The following WDR33 variants were observed in gnomAD, a reference collection of about 807,000 sequenced individuals.
The protein encoded by WDR33 is WD repeat domain 33.
In WDR33, 47 loss-of-function variants were observed where a neutral mutation model predicts 164.9. The ratio of observed to expected loss-of-function variants is 0.29; its 90% CI spans 0.23 to 0.36. The LOEUF (loss-of-function observed/expected upper bound fraction) is 0.36, where lower values mean the gene tolerates loss of function less well. Among genes scored for constraint, WDR33 ranks in the 10% least tolerant of loss-of-function variants. WDR33 has a pLI of 1.00. For synonymous variants in WDR33, 505 were observed against 589.0 expected (o/e 0.86, Z 2.06); for missense variants, 1,137 against 1,754.1 (o/e 0.65, Z 6.28).
rs1457728468 is a variant in WDR33, at chr2:127,717,273, T to C, written c.2761-10A>G. The C allele has an allele frequency of 1.9e-6, 3 of 1,561,334 alleles. No individual in the cohort carries two copies. The highest frequency in any genetic ancestry group is 8.6e-7 in the Non-Finnish European group (1 of 1,156,806). On this transcript the variant is annotated splice_polypyrimidine_tract_variant and intron_variant, in intron 16 of 21. Coordinates refer to ENST00000322313, the MANE Select transcript of WDR33 (RefSeq NM_018383.5). This position sits in a 1 kb window ranked among gnomAD's most constrained non-coding sequence, Gnocchi z 5.6. Reference sequence around the variant, plus strand: ...CTGTGCTCTGTCCTTCCTGAAAATATGTTTTTAAAGTAAGGGTATGAAATC... The same window carrying C: ...CTGTGCTCTGTCCTTCCTGAAAATACGTTTTTAAAGTAAGGGTATGAAATC...
rs773904269 is a variant in WDR33, at chr2:127,709,679, A to G, written c.3472+14T>C. ...CTATCCTTCCAGACCAGGTGTCTTT[A>G]GTAACTCGCTCACCTCGTGGGGTAC... On this transcript the variant is annotated intron_variant, in intron 19 of 21. Transcript: ENST00000322313. This position sits in a 1 kb window ranked among gnomAD's most constrained non-coding sequence, Gnocchi z 5.0. The G allele has an allele frequency of 1.2e-6, 2 of 1,614,080 alleles. No homozygotes were observed. The highest frequency in any genetic ancestry group is 2.2e-5 in the East Asian group (1 of 44,894).
In WDR33 at chr2:127,704,525, G is replaced by C. The variant is rs1685965929; in HGVS notation, c.*1798C>G. 1 of 166,858 alleles carries C rather than the reference G, an allele frequency of 6.0e-6. No homozygotes were observed. The highest frequency in any genetic ancestry group is 6.6e-5 in the Admixed American group (1 of 15,260). The allele number at this position is 166,858 out of a possible 1,614,324, so 10.3% of individuals were successfully genotyped here. A position where few individuals can be genotyped will look rare whatever the true frequency, so the allele number is the denominator to read the frequency against. ...TTTAAGCTATACCAGTTGGGGGTGA[G>C]TGAAGAAATACCCATAACCTAAAGC... On this transcript the variant is annotated 3_prime_UTR_variant, in exon 22 of 22. Coordinates refer to ENST00000322313, the MANE Select transcript of WDR33 (RefSeq NM_018383.5).
chr2:127,707,249 A>G (rs1329676670), intron 21 of WDR33, among the ~76,000 whole-genome samples: 4 of 151,778 alleles, frequency 2.6e-5, no homozygotes, highest in South Asian at 2.1e-4. Context: ...AAAAAAAGAA[A>G]AAAAAGAAAG....
rs369384639 is a variant in WDR33, at chr2:127,701,484, G to A, written c.*4839C>T. 583 of 1,260,440 alleles carry A rather than the reference G, an allele frequency of 4.6e-4. 1 individual carries two copies. Among genetic ancestry groups the A allele is most frequent in the Non-Finnish European group, 5.5e-4 (553 of 999,728 alleles). The allele number at this position is 1,260,440 out of a possible 1,614,324, so 78.1% of individuals were successfully genotyped here. On this transcript the variant is annotated 3_prime_UTR_variant, in exon 22 of 22. Coordinates refer to ENST00000322313, the MANE Select transcript of WDR33 (RefSeq NM_018383.5). ...GACCGAACCGCTTCAGCGGAGGGCC[G>A]GAAGTGAGCCGCAGCTTTTCCTTTC... is the stretch of plus-strand genomic sequence containing the variant.
chr2:127,720,233 G>T lies in WDR33; in HGVS notation c.1792C>A (p.Pro598Thr). ...GGATGGGGCTGTTGAAAACCTTGAGGAATCTGAGACATTGGACCTTGTCCT... is the reference window on the plus strand; with the variant it reads ...GGATGGGGCTGTTGAAAACCTTGAGTAATCTGAGACATTGGACCTTGTCCT... ...FPGQGPMSQI[P>T]QGFQQPHPSQ... is the part of the protein sequence containing the mutation. The change falls in exon 16 of 22, where the codon CCT (proline) becomes ACT (threonine). Residue 598 changes from proline (P) to threonine (T), a missense_variant. Pro to Thr is a conservative substitution (Grantham distance 38). Transcript: ENST00000322313. The surrounding 1 kb of genome is among the most constrained non-coding windows in gnomAD (Gnocchi z 5.9). The T allele has an allele frequency of 6.3e-7, 1 of 1,594,396 alleles. No homozygotes were observed. The highest frequency in any genetic ancestry group is 8.5e-7 in the Non-Finnish European group (1 of 1,169,750).
intron 3 of WDR33, 55 bp from the exon 4 acceptor site, chr2:127,768,348 A>T (rs1282817443): frequency 9.6e-7 from 1 of 1,046,374 alleles, no homozygotes; most frequent in Non-Finnish European, 1.3e-6. Flanking sequence ...CAAGGCAGAA[A>T]CCAGAAACAC....
At chr2:127,799,396 T>C (rs1395183361) in intron 1 of WDR33, among the ~76,000 whole-genome samples, 1 of 152,278 alleles carries the variant, frequency 6.6e-6, no homozygotes, top group African/African-American at 2.4e-5. Flanking sequence ...ATGTATCCGA[T>C]GAGACTTGCA....
chr2:127,704,702 T>C lies in WDR33; in HGVS notation c.*1621A>G, dbSNP rs1348124678. The C allele has an allele frequency of 6.0e-6, 1 of 167,096 alleles. No homozygotes were observed. Among genetic ancestry groups the C allele is most frequent in the Non-Finnish European group, 1.5e-5 (1 of 68,126 alleles). The allele number at this position is 167,096 out of a possible 1,614,324, so 10.4% of individuals were successfully genotyped here. A position where few individuals can be genotyped will look rare whatever the true frequency, so the allele number is the denominator to read the frequency against. On this transcript the variant is annotated 3_prime_UTR_variant, in exon 22 of 22. Coordinates refer to ENST00000322313, the MANE Select transcript of WDR33 (RefSeq NM_018383.5). ...CTCACTCCACAGAAATCAATTAGCT[T>C]TTGCTGTTTTTTACATTCATAGAGA...
chr2:127,744,470 A>G (rs747001404), intron 7 of WDR33, among the ~76,000 whole-genome samples: 40 of 152,330 alleles, frequency 2.6e-4, no homozygotes, highest in Non-Finnish European at 5.0e-4. Flanking sequence ...AGCAAATAGC[A>G]AAAGAATATA....
intron 1 of WDR33, among the ~76,000 whole-genome samples, chr2:127,800,736 C>G (rs935854779): frequency 2.6e-5 from 4 of 151,886 alleles, no homozygotes; most frequent in African/African-American, 9.7e-5. Flanking sequence ...TTTACAAAGC[C>G]TATTTCTGTA....
At chr2:127,810,556 T>C (rs563316825) in intron 1 of WDR33, among the ~76,000 whole-genome samples, 23 of 152,178 alleles carry the variant, frequency 1.5e-4, no homozygotes, top group Non-Finnish European at 2.8e-4. Flanking sequence ...CTCATCCTTA[T>C]AATAAGCACC....
chr2:127,732,378 G>A (rs13405016), intron 7 of WDR33, among the ~76,000 whole-genome samples: 3,264 of 151,530 alleles, frequency 0.022, 125 homozygotes, highest in African/African-American at 0.076. Flanking sequence ...CACAGGAGGC[G>A]GAGGCTGCAG....
rs760462184 is a variant in WDR33 at position 127,709,687 on chromosome 2, G to T, written c.3472+6C>A. ...CCAGACCAGGTGTCTTTAGTAACTC[G>T]CTCACCTCGTGGGGTACCCCGACCT... On this transcript the variant is annotated splice_donor_region_variant and intron_variant, in intron 19 of 21. Transcript: ENST00000322313. The surrounding 1 kb of genome is among the most constrained non-coding windows in gnomAD (Gnocchi z 5.0). The T allele has an allele frequency of 1.2e-6, 2 of 1,614,110 alleles. No individual in the cohort carries two copies. The highest frequency in any genetic ancestry group is 3.3e-5 in the Admixed American group (2 of 60,012).
In WDR33 at chr2:127,720,360, A is replaced by C; in HGVS notation, c.1672-7T>G. 1 of 1,499,256 alleles carries C rather than the reference A, an allele frequency of 6.7e-7. No individual in the cohort carries two copies. The allele number at this position is 1,499,256 out of a possible 1,614,324, so 92.9% of individuals were successfully genotyped here. On this transcript the variant is annotated splice_polypyrimidine_tract_variant and splice_region_variant and intron_variant, in intron 15 of 21. Transcript: ENST00000322313. This position sits in a 1 kb window ranked among gnomAD's most constrained non-coding sequence, Gnocchi z 5.9. ...GTCTTTCAATTTTAAGTTGCTGGAA[A>C]GAAAGAAAGAAAAAAGCATGTTGAA...
At position 127,787,464 on chromosome 2, in the gene WDR33, G is replaced by A. The variant is rs1486441121; in HGVS notation, c.-23-16460C>T. On this transcript the variant is annotated intron_variant, in intron 1 of 21. Transcript: ENST00000322313. ...CAGAGGCGCCCCTCACCTCCCGGACGGGGCAGCTGGCCGGGCGGGGGGCTG... is the reference window on the plus strand; with the variant it reads ...CAGAGGCGCCCCTCACCTCCCGGACAGGGCAGCTGGCCGGGCGGGGGGCTG... Among the ~76,000 whole-genome samples, 74 of 138,290 alleles carry A rather than the reference G, an allele frequency of 5.4e-4. 1 individual carries two copies. The highest frequency in any genetic ancestry group is 9.9e-4 in the Non-Finnish European group (64 of 64,778). 90.7% of individuals were successfully genotyped at this position (138,290 alleles called of 152,430 possible).
intron 1 of WDR33, among the ~76,000 whole-genome samples, chr2:127,797,646 T>C (rs1689085629): frequency 6.6e-6 from 1 of 152,118 alleles, no homozygotes; most frequent in Non-Finnish European, 1.5e-5. Context: ...CTCTCCAGTG[T>C]TGTTTATCTT....
chr2:127,748,459 G>A (rs1488532270), intron 7 of WDR33, among the ~76,000 whole-genome samples: 2 of 152,208 alleles, frequency 1.3e-5, no homozygotes, highest in East Asian at 3.8e-4. Context: ...AGCTTTGGAT[G>A]ATGCTGGTGT....
At chr2:127,762,928 G>T in intron 7 of WDR33, 134 bp downstream of exon 7, 1 of 1,441,012 alleles carries the variant, frequency 6.9e-7, no homozygotes, top group Non-Finnish European at 9.1e-7. Context: ...GGGTTTTTTT[G>T]AAGAGCCTGA....
intron 1 of WDR33, among the ~76,000 whole-genome samples, chr2:127,781,228 T>C (rs370856428): frequency 2.6e-5 from 4 of 152,204 alleles, no homozygotes; most frequent in Admixed American, 1.3e-4. Flanking sequence ...CACATGAACA[T>C]ATCCAAGAGA....
Sources: allele counts gnomAD v4.1 joint callset (sites outside exome capture counted in the v4.1 genomes callset), GRCh38; gene constraint gnomAD v4.1.1; non-coding constraint Gnocchi (gnomAD v3.1); transcripts MANE v1.5; gene names NCBI Gene and HGNC (gene_info 2026-07-23, HGNC 2026-07-21).